The following EMC3 variants were observed in gnomAD, a reference collection of about 807,000 sequenced individuals.
The protein encoded by EMC3 is ER membrane protein complex subunit 3.
In EMC3, 13 loss-of-function variants were observed where a neutral mutation model predicts 36.6. That is an observed-to-expected ratio of 0.35 (90% confidence interval 0.23 to 0.56). The LOEUF is 0.56. EMC3 is among the 20% of genes least tolerant of loss of function. EMC3 has a pLI of 0.84. For synonymous variants in EMC3, 120 were observed against 111.9 expected, an observed-to-expected ratio of 1.07 and a Z score of -0.46; for missense variants, 220 against 324.5, an observed-to-expected ratio of 0.68 and a Z score of 2.47.
chr3:9,985,890 G>C (rs561408349), intron 1 of EMC3, among the ~76,000 whole-genome samples: 14 of 152,204 alleles, frequency 9.2e-5, no homozygotes, highest in Non-Finnish European at 1.8e-4. Flanking sequence ...GCGAAACTCC[G>C]TCTCAAAAAT....
intron 1 of EMC3, chr3:10,009,159 G>T (rs1199873595): frequency 1.3e-5 from 2 of 152,264 alleles, no homozygotes; most frequent in African/African-American, 2.4e-5. Context: ...GCCTGGGCGG[G>T]GCCGTTGGCC....
At chr3:9,968,096 A>AT (rs1407334094) in intron 7 of EMC3, among the ~76,000 whole-genome samples, 1 of 152,056 alleles carries the variant, frequency 6.6e-6, no homozygotes, top group Admixed American at 6.6e-5. Flanking sequence ...TAATTTTTGT[A>AT]TTTTTAGTAG....
intron 1 of EMC3, among the ~76,000 whole-genome samples, chr3:10,002,307 G>A (rs1044582775): frequency 2.1e-5 from 2 of 93,954 alleles, no homozygotes; most frequent in Non-Finnish European, 4.3e-5. Flanking sequence ...ATTTTATTTT[G>A]AGATAGTGTC....
chr3:10,009,012 T>G (rs193073519), intron 1 of EMC3: 1,588 of 155,140 alleles, frequency 0.01, 17 homozygotes, highest in Middle Eastern at 0.027. Flanking sequence ...TCGGGAAGAC[T>G]GGTGGGACTA....
intron 1 of EMC3, chr3:10,008,308 C>G (rs778940692): frequency 1.2e-4 from 108 of 929,140 alleles, no homozygotes; most frequent in Admixed American, 1.6e-4. Flanking sequence ...GGGCTTCCAG[C>G]CCATAGAGCT....
In EMC3 at chr3:9,975,555, G is replaced by C. The variant is rs532563920; in HGVS notation, c.308-1067C>G. Among the ~76,000 whole-genome samples the C allele has an allele frequency of 3.2e-3, 480 of 151,692 alleles. 4 individuals are homozygous for C. Among genetic ancestry groups the C allele is most frequent in the Non-Finnish European group, 1.9e-3 (128 of 67,952 alleles). ...TGGCCAGGCACGGTGGCTCACACCT[G>C]TAATCCCAGCACTTTGGGAGGCCAA... On this transcript the variant is annotated intron_variant, in intron 3 of 7. Transcript: ENST00000245046.
intron 6 of EMC3, 62 bp downstream of exon 6, chr3:9,970,520 G>A (rs947948548): frequency 1.3e-6 from 2 of 1,540,112 alleles, no homozygotes; most frequent in Non-Finnish European, 1.8e-6. Flanking sequence ...GACTTTTCTG[G>A]CTCTAATATG....
At chr3:9,987,095 T>G (rs2085984280), upstream of EMC3, 1 of 818,584 alleles carries the variant, frequency 1.2e-6, no homozygotes. Flanking sequence ...GCGCCTGTAG[T>G]CGCAGCTACT....
At chr3:10,007,688 C>T (rs1301395959) in intron 1 of EMC3, 4 of 1,315,144 alleles carry the variant, frequency 3.0e-6, no homozygotes, top group East Asian at 4.6e-5. Flanking sequence ...TTCCCAGGAA[C>T]CCGGTTTGTC....
intron 7 of EMC3, among the ~76,000 whole-genome samples, chr3:9,965,666 C>A (rs1455885715): frequency 6.6e-6 from 1 of 152,128 alleles, no homozygotes; most frequent in Non-Finnish European, 1.5e-5. Flanking sequence ...TAGACAGCTC[C>A]CATTATTCAC....
In EMC3 at chr3:9,963,996, T is replaced by TAA; in HGVS notation, c.*72_*73insTT. 2 of 1,581,980 alleles carry TAA rather than the reference T, an allele frequency of 1.3e-6. No individual in the cohort carries two copies. The highest frequency in any genetic ancestry group is 2.3e-5 in the South Asian group (2 of 85,424). On this transcript the variant is annotated 3_prime_UTR_variant, in exon 8 of 8. Transcript: ENST00000245046. ...GCATCCTCCTTTTTATTTCAAGAGG[T>TAA]GCCAGCTCCAAACAAAGTTACAAGG...
Position 9,986,721 on chromosome 3 carries a change from T to C in EMC3, c.-60A>G, listed in dbSNP as rs113673829. 8.1e-5 allele frequency: 130 copies of C among 1,598,686 alleles called. 5 individuals carry two copies. In the Middle Eastern group the frequency reaches 9.1e-4, roughly 11 times the overall value. On this transcript the variant is annotated 5_prime_UTR_variant, in exon 1 of 8. Transcript: ENST00000245046. The stretch of plus-strand genomic sequence containing the variant: ...CGAGCTTCTCTTCTCCGGGGCACAG[T>C]TGCTTCTCTTCGGCTTCGCCTCCGG...
At chr3:9,972,460 A>G (rs1473594030) in intron 5 of EMC3, among the ~76,000 whole-genome samples, 10 of 133,042 alleles carry the variant, frequency 7.5e-5, no homozygotes, top group African/African-American at 2.5e-4. Context: ...TGGAGTTTCA[A>G]TGAAAAAAAA....
At chr3:9,967,757 T>G (rs1418682968) in intron 7 of EMC3, among the ~76,000 whole-genome samples, 1 of 152,226 alleles carries the variant, frequency 6.6e-6, no homozygotes, top group African/African-American at 2.4e-5. Context: ...AGTAAGATTT[T>G]TATAGGGATT....
At chr3:9,992,448 A>G (rs1434605399) in intron 1 of EMC3, among the ~76,000 whole-genome samples, 3 of 152,206 alleles carry the variant, frequency 2.0e-5, no homozygotes, top group Admixed American at 2.0e-4. Context: ...TTTGATGACT[A>G]TAATATTTCA....
At chr3:10,007,366 G>A in intron 1 of EMC3, 2 of 1,361,520 alleles carry the variant, frequency 1.5e-6, no homozygotes, top group African/African-American at 1.5e-5. Flanking sequence ...GTCCCCAGGA[G>A]GATCCTGAAG....
chr3:9,980,417 G>T (rs2085897761), intron 1 of EMC3, among the ~76,000 whole-genome samples: 1 of 151,216 alleles, frequency 6.6e-6, no homozygotes, highest in Admixed American at 6.6e-5. Flanking sequence ...CCAGGCTGGA[G>T]TGCAGTGGTA....
upstream of EMC3, among the ~76,000 whole-genome samples, chr3:9,990,867 C>T (rs1559356027): frequency 6.6e-6 from 1 of 151,474 alleles, no homozygotes; most frequent in Non-Finnish European, 1.5e-5. Context: ...GTCTCGCTGT[C>T]GCCCAGGCTG....
At chr3:9,987,218 A>G (rs1225294730), upstream of EMC3, 12 of 955,662 alleles carry the variant, frequency 1.3e-5, no homozygotes, top group Non-Finnish European at 1.5e-5. Context: ...CGTCTCAAAA[A>G]AAAAAAAAAA....
Sources: gnomAD v4.1 joint callset for allele counts (sites outside exome capture counted in the v4.1 genomes callset) on GRCh38, gnomAD v4.1.1 for gene constraint, MANE v1.5 for transcripts, NCBI Gene and HGNC (gene_info 2026-07-23, HGNC 2026-07-21) for gene names.